The following STX19 variants were observed in gnomAD, a reference collection of about 807,000 sequenced individuals.
STX19 encodes the protein syntaxin 19.
STX19 carries 26 observed loss-of-function variants against 24.3 expected under a neutral mutation model. That is an observed-to-expected ratio of 1.07 (90% CI 0.78 to 1.48). STX19 has a LOEUF of 1.48. Among genes scored for constraint, STX19 ranks in the 40% most tolerant of loss-of-function variants. The probability of loss-of-function intolerance (pLI) is 0.00; values close to 1 mark genes in which losing one functional copy is unlikely to be tolerated. For synonymous variants in STX19, 116 were observed against 106.9 expected (o/e 1.09, Z -0.52); for missense variants, 367 against 331.9 (o/e 1.11, Z -0.82).
intron 1 of STX19, among the ~76,000 whole-genome samples, chr3:94,025,154 A>G (rs1217270758): frequency 6.6e-6 from 1 of 152,064 alleles, no homozygotes; most frequent in South Asian, 2.1e-4. Flanking sequence ...TTCCCTGAAC[A>G]TGCACCACAC....
rs1029855641 is a variant in STX19 at position 94,014,614 on chromosome 3, A to C, written c.656T>G (p.Leu219Arg). 5 of 1,613,220 alleles carry C rather than the reference A, an allele frequency of 3.1e-6. No homozygotes were observed. Among genetic ancestry groups the C allele is most frequent in the Non-Finnish European group, 4.2e-6 (5 of 1,179,890 alleles). ...CTTTATTTGGTTCTCCAAATTAACA[A>C]GTTCCTTGTGTCTCTGTTCAATCTC... Reference protein sequence around the residue: ...LSEIEQRHKELVNLENQIKDL... With the variant: ...LSEIEQRHKERVNLENQIKDL... The change falls in exon 2 of 2, where the codon CTT (leucine) becomes CGT (arginine). Residue 219 changes from leucine to arginine, a missense_variant. Leu to Arg is a moderately radical substitution (Grantham distance 102). Coordinates refer to ENST00000315099, the MANE Select transcript of STX19 (RefSeq NM_001001850.3).
At position 94,015,125 on chromosome 3, in the gene STX19, T is replaced by C. The variant is rs1402729697; in HGVS notation, c.145A>G (p.Arg49Gly). 3.1e-6 allele frequency: 5 copies of C among 1,613,894 alleles called. No individual in the cohort carries two copies. The Middle Eastern group carries it at 6.6e-4, about 212-fold the overall frequency. Residue 49 changes from arginine to glycine, a missense_variant, in exon 2 of 2, where the codon AGA becomes GGA. By Grantham distance (125) the Arg-to-Gly change is moderately radical. Transcript: ENST00000315099. ...VIYEREPVAE[R>G]HLHEIQKLQE... ...AGTTTTTGGATTTCATGTAGGTGTC[T>C]CTCAGCTACAGGCTCTCTTTCATAA...
Position 94,014,662 on chromosome 3 carries a change from T to C in STX19, c.608A>G (p.Asn203Ser), listed in dbSNP as rs768383228. 4.9e-5 allele frequency: 79 copies of C among 1,613,522 alleles called. 1 individual carries two copies. The highest frequency in any genetic ancestry group is 7.7e-5 in the South Asian group (7 of 90,984). ...VFNESLLTEI[N>S]ITKAQLSEIE... Reference sequence around the variant, plus strand: ...CTCTGAAAGTTGTGCTTTAGTGATATTGATTTCTGTAAGTAAGCTTTCATT... The same window carrying C: ...CTCTGAAAGTTGTGCTTTAGTGATACTGATTTCTGTAAGTAAGCTTTCATT... Residue 203 changes from asparagine (N) to serine (S), a missense_variant, in exon 2 of 2, where the codon AAT (asparagine) becomes AGT (serine). Transcript: ENST00000315099.
At chr3:94,015,531 A>G (rs1233322028) in intron 1 of STX19, among the ~76,000 whole-genome samples, 2 of 152,198 alleles carry the variant, frequency 1.3e-5, no homozygotes, top group Non-Finnish European at 2.9e-5. Context: ...CTGAGAAAGC[A>G]GTGATGCAGA....
Position 94,015,084 on chromosome 3 carries a change from G to A in STX19, c.186C>T (p.Asn62=). The A allele has an allele frequency of 6.2e-7, 1 of 1,613,790 alleles. No individual in the cohort carries two copies. The highest frequency in any genetic ancestry group is 8.5e-7 in the Non-Finnish European group (1 of 1,179,914). ...ATTTTTGAACATTATCTGCCAAATT[G>A]TTAATACTTTCCTGTAGTTTTTGGA... ...HEIQKLQESI[N]NLADNVQKFG... Residue 62 remains asparagine (N), a synonymous_variant, in exon 2 of 2, where the codon AAC becomes AAT. Transcript: ENST00000315099.
chr3:94,016,790 G>T (rs926898621), intron 1 of STX19, among the ~76,000 whole-genome samples: 3 of 151,982 alleles, frequency 2.0e-5, no homozygotes, highest in Non-Finnish European at 2.9e-5. Context: ...GGGATTACAG[G>T]TGCCTGCCAC....
intron 1 of STX19, among the ~76,000 whole-genome samples, chr3:94,021,250 G>T (rs2076442783): frequency 1.3e-5 from 2 of 151,144 alleles, no homozygotes; most frequent in Non-Finnish European, 2.9e-5. Context: ...CTGGAGTGCA[G>T]TGTCATGATC....
chr3:94,027,186 T>A (rs2076574931), intron 1 of STX19, among the ~76,000 whole-genome samples: 1 of 152,056 alleles, frequency 6.6e-6, no homozygotes. Flanking sequence ...CTTTTGTATA[T>A]GAAGTCAACT....
Position 94,014,748 on chromosome 3 carries a change from T to A in STX19, c.522A>T (p.Gly174=), listed in dbSNP as rs200555669. The A allele has an allele frequency of 6.2e-7, 1 of 1,613,256 alleles. No individual in the cohort carries two copies. The highest frequency in any genetic ancestry group is 1.3e-5 in the African/African-American group (1 of 75,056). Residue 174 remains glycine, a synonymous_variant, in exon 2 of 2, where the codon GGA becomes GGT. Coordinates refer to ENST00000315099, the MANE Select transcript of STX19 (RefSeq NM_001001850.3). The part of the protein sequence containing the change: ...TFILRQLEVA[G]KEMSEEDVND... ...TTACATCTTCTTCAGACATCTCTTT[T>A]CCAGCAACTTCAAGCTGACGTAAAA...
In STX19 at chr3:94,014,565, C is replaced by G; in HGVS notation, c.705G>C (p.Gln235His). ...CTTGTTCCTCTACTAAAAGAGATAT[C>G]TGAATGAAAAGATCCCTTAAATCCT... ...QIKDLRDLFIQISLLVEEQGE... is the reference protein window; with the variant it reads ...QIKDLRDLFIHISLLVEEQGE... The change falls in exon 2 of 2, where the codon CAG (glutamine) becomes CAC (histidine). Residue 235 changes from glutamine (Q) to histidine (H), a missense_variant. By Grantham distance (24) the Gln-to-His change is conservative (BLOSUM62 0). Coordinates refer to ENST00000315099, the MANE Select transcript of STX19 (RefSeq NM_001001850.3). 6.2e-7 allele frequency: 1 copy of G among 1,612,322 alleles called. No individual in the cohort carries two copies. Among genetic ancestry groups the G allele is most frequent in the African/African-American group, 1.3e-5 (1 of 74,932 alleles).
At chr3:94,026,934 A>G (rs376086643) in intron 1 of STX19, among the ~76,000 whole-genome samples, 19 of 152,154 alleles carry the variant, frequency 1.2e-4, no homozygotes, top group African/African-American at 4.3e-4. Context: ...TAGAAAAGTA[A>G]ACTGGTGCGA....
intron 1 of STX19, among the ~76,000 whole-genome samples, chr3:94,019,831 C>T (rs1350237640): frequency 6.6e-6 from 1 of 152,214 alleles, no homozygotes; most frequent in Non-Finnish European, 1.5e-5. Context: ...CTGGCACCAT[C>T]TGGCTTTAGG....
intron 1 of STX19, among the ~76,000 whole-genome samples, 192 bp from the exon 2 acceptor site, chr3:94,015,474 T>C (rs2076312017): frequency 6.6e-6 from 1 of 152,298 alleles, no homozygotes; most frequent in East Asian, 1.9e-4. Context: ...TATAAAATAA[T>C]TTGTAAGTTA....
At chr3:94,022,153 C>T (rs980663829) in intron 1 of STX19, among the ~76,000 whole-genome samples, 1 of 151,864 alleles carries the variant, frequency 6.6e-6, no homozygotes, top group Admixed American at 6.6e-5. Flanking sequence ...GACAGAGTTT[C>T]GCTGTTGTCA....
chr3:94,017,843 A>G (rs1203704091), intron 1 of STX19, among the ~76,000 whole-genome samples: 1 of 152,132 alleles, frequency 6.6e-6, no homozygotes, highest in African/African-American at 2.4e-5. Flanking sequence ...TGTTTTAGGA[A>G]CAGAGTTATT....
At chr3:94,024,537 C>T (rs561093800) in intron 1 of STX19, among the ~76,000 whole-genome samples, 113 of 152,174 alleles carry the variant, frequency 7.4e-4, no homozygotes, top group African/African-American at 2.7e-3. Flanking sequence ...GAAACAACTC[C>T]CTCTAATGTT....
Position 94,025,817 on chromosome 3 carries a change from C to T in STX19, c.-14+2550G>A, listed in dbSNP as rs576713037. 7.9e-5 allele frequency among the ~76,000 whole-genome samples: 12 copies of T among 152,260 alleles called. No homozygotes were observed. The South Asian group carries it at 2.5e-3, about 32-fold the overall frequency. ...TCCTGGGCAAGTCAACAGAGTTATTCCTGTCTTTGTATACAGATTATGTTG... is the reference window on the plus strand; with the variant it reads ...TCCTGGGCAAGTCAACAGAGTTATTTCTGTCTTTGTATACAGATTATGTTG... On this transcript the variant is annotated intron_variant, in intron 1 of 1. Transcript: ENST00000315099.
chr3:94,019,576 C>G (rs570045722), intron 1 of STX19, among the ~76,000 whole-genome samples: 2 of 151,162 alleles, frequency 1.3e-5, no homozygotes, highest in African/African-American at 4.9e-5. Context: ...CCAACTACCC[C>G]CCATCCTGCC....
chr3:94,025,227 ATTAATC>A (rs2076530159), intron 1 of STX19, among the ~76,000 whole-genome samples: 1 of 152,116 alleles, frequency 6.6e-6, no homozygotes, highest in African/African-American at 2.4e-5. Flanking sequence ...TGTCCTTTTT[ATTAATC>A]TTAATGAATT....
Sources: gnomAD v4.1 joint callset for allele counts (sites outside exome capture counted in the v4.1 genomes callset) on GRCh38, gnomAD v4.1.1 for gene constraint, MANE v1.5 for transcripts, NCBI Gene and HGNC (gene_info 2026-07-23, HGNC 2026-07-21) for gene names.